Variants in KLRD1 observed in about 807,000 individuals in gnomAD.
The protein encoded by KLRD1 is killer cell lectin like receptor D1, also known as natural killer cells antigen CD94.
A neutral mutation model predicts 22.6 loss-of-function variants in KLRD1; 21 were observed. That is an observed-to-expected ratio of 0.93 (90% CI 0.66 to 1.34). The LOEUF is 1.34. Among genes scored for constraint, KLRD1 ranks in the 40% most tolerant of loss-of-function variants. The pLI, the probability that KLRD1 is intolerant of heterozygous loss-of-function variation, is 0.00. For synonymous variants in KLRD1, 59 were observed against 71.1 expected, an observed-to-expected ratio of 0.83 and a Z score of 0.85; for missense variants, 183 against 208.6, an observed-to-expected ratio of 0.88 and a Z score of 0.76.
At chr12:10,271,600 G>A (rs1003878885) in intron 1 of KLRD1, among the ~76,000 whole-genome samples, 5 of 151,852 alleles carry the variant, frequency 3.3e-5, no homozygotes, top group South Asian at 4.2e-4. Context: ...TTATTTTTCC[G>A]TTCTGGATAT....
rs1287350638 is a variant in KLRD1 at position 10,321,254 on chromosome 12, A to G, written c.*6461A>G. 1.3e-5 allele frequency: 2 copies of G among 152,186 alleles called. No homozygotes were observed. The highest frequency in any genetic ancestry group is 3.9e-4 in the East Asian group (2 of 5,192). 9.4% of individuals were successfully genotyped at this position (152,186 alleles called of 1,614,324 possible). ...TGTTCTTTCGAATGTTGAGTGTATAAGGGAAGGAAATCTCTAGTATTGTTA... is the reference window on the plus strand; with the variant it reads ...TGTTCTTTCGAATGTTGAGTGTATAGGGGAAGGAAATCTCTAGTATTGTTA... On this transcript the variant is annotated 3_prime_UTR_variant, in exon 6 of 6. Coordinates refer to ENST00000336164, the MANE Select transcript of KLRD1 (RefSeq NM_002262.5).
At chr12:10,256,559 C>G (rs1273926255) in intron 1 of KLRD1, among the ~76,000 whole-genome samples, 1 of 151,176 alleles carries the variant, frequency 6.6e-6, no homozygotes, top group Non-Finnish European at 1.5e-5. Context: ...TTAATCAATA[C>G]TAACAACTTC....
At chr12:10,280,286 C>T (rs1037453008) in intron 1 of KLRD1, among the ~76,000 whole-genome samples, 8 of 152,112 alleles carry the variant, frequency 5.3e-5, no homozygotes, top group Non-Finnish European at 1.2e-4. Context: ...AGAAAAATCT[C>T]TTTTCCTTTC....
In KLRD1 at chr12:10,314,810, A is replaced by C. The variant is rs746760995; in HGVS notation, c.*17A>C. On this transcript the variant is annotated 3_prime_UTR_variant, in exon 6 of 6. Coordinates refer to ENST00000336164, the MANE Select transcript of KLRD1 (RefSeq NM_002262.5). ...CTCATTTAAATGTTTCTTGGGGCAG[A>C]GAAGGTGGAGAGTAAAGACCCAACA... 10 of 1,598,448 alleles carry C rather than the reference A, an allele frequency of 6.3e-6. No homozygotes were observed. Among genetic ancestry groups the C allele is most frequent in the Admixed American group, 3.5e-5 (2 of 57,750 alleles).
chr12:10,244,609 T>A (rs1949273338), intron 1 of KLRD1, among the ~76,000 whole-genome samples: 2 of 151,090 alleles, frequency 1.3e-5, no homozygotes, highest in Admixed American at 6.6e-5. Flanking sequence ...TGGTGAAACC[T>A]CATCTCTACT....
intron 1 of KLRD1, among the ~76,000 whole-genome samples, chr12:10,243,636 G>GAAAAAAAAAAA (rs1949263487): frequency 1.6e-5 from 2 of 124,390 alleles, no homozygotes; most frequent in Non-Finnish European, 3.3e-5. Flanking sequence ...AAAAAAAACC[G>GAAAAAAAAAAA]AAATGAAAGA....
intron 1 of KLRD1, among the ~76,000 whole-genome samples, chr12:10,280,342 G>A (rs960914442): frequency 1.2e-4 from 18 of 152,120 alleles, no homozygotes; most frequent in Admixed American, 6.5e-4. Flanking sequence ...GAGATGGACC[G>A]CTTCAGAATA....
intron 1 of KLRD1, among the ~76,000 whole-genome samples, chr12:10,241,602 GAAAT>G (rs1949241506): frequency 6.6e-6 from 1 of 152,100 alleles, no homozygotes; most frequent in South Asian, 2.1e-4. Context: ...AAGCGGCTGA[GAAAT>G]AATTTATAAT....
chr12:10,252,447 T>G (rs1949354318), intron 1 of KLRD1, among the ~76,000 whole-genome samples: 1 of 152,046 alleles, frequency 6.6e-6, no homozygotes, highest in Non-Finnish European at 1.5e-5. Context: ...GAGGCTGCAG[T>G]GAGCTGTGAT....
intron 1 of KLRD1, among the ~76,000 whole-genome samples, chr12:10,250,597 A>G (rs1453737520): frequency 6.6e-6 from 1 of 151,992 alleles, no homozygotes; most frequent in East Asian, 1.9e-4. Context: ...AGCTGGGACT[A>G]CAGGCTCCCG....
intron 4 of KLRD1, among the ~76,000 whole-genome samples, chr12:10,312,517 T>C (rs1036082433): frequency 6.6e-6 from 1 of 151,602 alleles, no homozygotes; most frequent in Non-Finnish European, 1.5e-5. Context: ...TAGCTGGGAC[T>C]ACAGGCGCCC....
intron 1 of KLRD1, among the ~76,000 whole-genome samples, chr12:10,283,024 T>C (rs901840897): frequency 3.3e-5 from 5 of 152,206 alleles, no homozygotes; most frequent in African/African-American, 1.2e-4. Flanking sequence ...GAAAACAAAT[T>C]CTGTGCCAAG....
intron 1 of KLRD1, among the ~76,000 whole-genome samples, chr12:10,293,501 A>T (rs532591371): frequency 6.6e-6 from 1 of 152,172 alleles, no homozygotes; most frequent in African/African-American, 2.4e-5. Context: ...CCGTCATAAC[A>T]CTTACATTCA....
At chr12:10,304,695 T>C (rs963570744), upstream of KLRD1, 2 of 152,254 alleles carry the variant, frequency 1.3e-5, no homozygotes, top group Non-Finnish European at 2.9e-5. Context: ...TGAGCCACTA[T>C]GCCCAGCCTT....
chr12:10,295,121 A>C (rs1005081480), intron 1 of KLRD1, among the ~76,000 whole-genome samples: 3 of 152,166 alleles, frequency 2.0e-5, no homozygotes, highest in Non-Finnish European at 4.4e-5. Flanking sequence ...TGTATACCAT[A>C]TTTTATTTTA....
In KLRD1 at chr12:10,315,842, G is replaced by T. The variant is rs1047229353; in HGVS notation, c.*1049G>T. ...CTTAGGATGGAAGGATTTGGACTGG[G>T]TGTGGTGGTTTATGCCTGTAATCGC... On this transcript the variant is annotated 3_prime_UTR_variant, in exon 6 of 6. Coordinates refer to ENST00000336164, the MANE Select transcript of KLRD1 (RefSeq NM_002262.5). 2.0e-5 allele frequency: 3 copies of T among 152,066 alleles called. No homozygotes were observed. Among genetic ancestry groups the T allele is most frequent in the African/African-American group, 7.2e-5 (3 of 41,382 alleles). The allele number at this position is 152,066 out of a possible 1,614,324, so 9.4% of individuals were successfully genotyped here.
At chr12:10,293,694 T>TA (rs961539438) in intron 1 of KLRD1, among the ~76,000 whole-genome samples, 14 of 150,608 alleles carry the variant, frequency 9.3e-5, no homozygotes, top group African/African-American at 2.9e-4. Flanking sequence ...GCACATGCTT[T>TA]AAAAAAAAAA....
chr12:10,262,882 T>C, intron 1 of KLRD1, among the ~76,000 whole-genome samples: 1 of 152,094 alleles, frequency 6.6e-6, no homozygotes, highest in Admixed American at 6.6e-5. Context: ...CTTTTACTTA[T>C]GAAATATATT....
intron 1 of KLRD1, among the ~76,000 whole-genome samples, chr12:10,271,117 A>G (rs1160143551): frequency 2.0e-5 from 3 of 146,432 alleles, no homozygotes; most frequent in Non-Finnish European, 4.5e-5. Context: ...TTTTTAAACT[A>G]TATCTTTCAT....
Sources: gnomAD v4.1 joint callset for allele counts (sites outside exome capture counted in the v4.1 genomes callset) on GRCh38, gnomAD v4.1.1 for gene constraint, MANE v1.5 for transcripts, NCBI Gene and HGNC (gene_info 2026-07-23, HGNC 2026-07-21) for gene names.